The following SBF2 variants were observed in gnomAD, a reference collection of about 807,000 sequenced individuals.
SBF2 encodes myotubularin-related protein 13.
Under a neutral mutation model 225.2 loss-of-function variants are expected in SBF2, and 112 were observed. That is an observed-to-expected ratio of 0.50 (90% CI 0.43 to 0.58). The LOEUF is 0.58. Among genes scored for constraint, SBF2 ranks in the 20% least tolerant of loss-of-function variants. The pLI, the probability that SBF2 is intolerant of heterozygous loss-of-function variation, is 0.00. For missense variants in SBF2, 1,996 were observed against 2,206.2 expected (o/e 0.90, Z 1.91); for synonymous variants, 763 against 773.3 (o/e 0.99, Z 0.22).
At chr11:10,143,969 T>C (rs183288710) in intron 2 of SBF2, among the ~76,000 whole-genome samples, 11,573 of 152,178 alleles carry the variant, frequency 0.076, 624 homozygotes, top group East Asian at 0.28. Context: ...TCCGCCCGTC[T>C]CGGCCTCCCA....
At chr11:9,950,741 G>C (rs1865810070) in intron 16 of SBF2, among the ~76,000 whole-genome samples, 1 of 152,284 alleles carries the variant, frequency 6.6e-6, no homozygotes, top group South Asian at 2.1e-4. Flanking sequence ...GCTTGGCTCG[G>C]GTTGATGATT....
In SBF2 at chr11:9,785,302, G is replaced by A. The variant is rs148468522; in HGVS notation, c.5054C>T (p.Ser1685Leu). 27 of 1,613,964 alleles carry A rather than the reference G, an allele frequency of 1.7e-5. No individual in the cohort carries two copies. Among genetic ancestry groups the A allele is most frequent in the Non-Finnish European group, 2.1e-5 (25 of 1,179,942 alleles). The change falls in exon 37 of 40, where the codon TCG becomes TTG. Residue 1685 changes from serine to leucine, a missense_variant. Transcript: ENST00000256190. ...GGTAGACACAATTCCTGGGGATCTC[G>A]ACAGGTGTCTTTGGGACTGAAAAAG... ...PRTDRSQRHL[S>L]RSPGIVSTNL...
chr11:10,012,575 A>G (rs1291931200), intron 6 of SBF2, among the ~76,000 whole-genome samples: 1 of 152,168 alleles, frequency 6.6e-6, no homozygotes, highest in African/African-American at 2.4e-5. Flanking sequence ...TATGGCTACC[A>G]TTAATTCTTT....
At chr11:10,263,403 G>C (rs1054824920) in intron 1 of SBF2, among the ~76,000 whole-genome samples, 1 of 151,960 alleles carries the variant, frequency 6.6e-6, no homozygotes, top group Non-Finnish European at 1.5e-5. Context: ...TTTCTGTTTA[G>C]AGGGGTTGCC....
At chr11:9,900,517 T>C (rs1861639201) in intron 16 of SBF2, among the ~76,000 whole-genome samples, 1 of 152,144 alleles carries the variant, frequency 6.6e-6, no homozygotes, top group Non-Finnish European at 1.5e-5. Flanking sequence ...GGTCTAACCC[T>C]AGCCAATAGG....
At chr11:9,971,936 A>T (rs989947578) in intron 13 of SBF2, among the ~76,000 whole-genome samples, 2 of 152,240 alleles carry the variant, frequency 1.3e-5, no homozygotes, top group Non-Finnish European at 2.9e-5. Context: ...GATGAATGGA[A>T]TAGAATAGAG....
At position 10,031,112 on chromosome 11, in the gene SBF2, G is replaced by A. The variant is rs375094335; in HGVS notation, c.338C>T (p.Ala113Val). 4 of 1,613,440 alleles carry A rather than the reference G, an allele frequency of 2.5e-6. No homozygotes were observed. In the South Asian group the frequency reaches 3.3e-5, roughly 13 times the overall value. Residue 113 changes from alanine (A) to valine (V), a missense_variant, in exon 4 of 40, where the codon GCA (alanine) becomes GTA (valine). Coordinates refer to ENST00000256190, the MANE Select transcript of SBF2 (RefSeq NM_030962.4). ...CAGGCTTTTGGGAGCAAACACTTCT[G>A]CAGGCTGAATTAAACCAGACACTTT... The part of the protein sequence containing the change: ...EAKVSGLIQP[A>V]EVFAPKSLVL...
rs549234709 is a variant in SBF2 at position 10,192,289 on chromosome 11, C to A, written c.141+1613G>T. ...TTTTAATGCCAAAATTCAAGATTTA[C>A]CCCCTCTGTAGGCCTACAGAACCCT... On this transcript the variant is annotated intron_variant, in intron 2 of 39. Transcript: ENST00000256190. Among the ~76,000 whole-genome samples, 225 of 152,230 alleles carry A rather than the reference C, an allele frequency of 1.5e-3. 1 individual carries two copies. The highest frequency in any genetic ancestry group is 2.4e-3 in the Admixed American group (37 of 15,294).
At chr11:10,137,829 A>C (rs1954455259) in intron 2 of SBF2, among the ~76,000 whole-genome samples, 1 of 152,050 alleles carries the variant, frequency 6.6e-6, no homozygotes, top group African/African-American at 2.4e-5. Flanking sequence ...CAACATGGTG[A>C]AACCCCGTCT....
At chr11:10,185,872 C>T (rs1442655407) in intron 2 of SBF2, among the ~76,000 whole-genome samples, 1 of 152,050 alleles carries the variant, frequency 6.6e-6, no homozygotes, top group African/African-American at 2.4e-5. Flanking sequence ...CATACATACA[C>T]ATATATATAA....
intron 3 of SBF2, among the ~76,000 whole-genome samples, chr11:10,034,553 C>T (rs1394125777): frequency 6.6e-6 from 1 of 152,172 alleles, no homozygotes; most frequent in Non-Finnish European, 1.5e-5. Flanking sequence ...AGTCCTGACC[C>T]TTTTATCCTT....
chr11:10,294,229 C>T (rs2133632911), upstream of SBF2: 1 of 502,108 alleles, frequency 2.0e-6, no homozygotes, highest in Non-Finnish European at 3.1e-6. Flanking sequence ...TGCGCTTGCG[C>T]GGCGCCTAGT....
intron 3 of SBF2, 22 bp from the exon 4 acceptor site, chr11:10,031,192 T>C: frequency 1.2e-6 from 2 of 1,612,208 alleles, no homozygotes; most frequent in Non-Finnish European, 1.7e-6. Context: ...GACACTGAAA[T>C]CAACAAACAG....
chr11:10,261,302 A>C (rs1012762104), intron 1 of SBF2, among the ~76,000 whole-genome samples: 2 of 152,176 alleles, frequency 1.3e-5, no homozygotes, highest in East Asian at 3.9e-4. Context: ...TCCTGGGCTC[A>C]AGCAATCCTC....
intron 2 of SBF2, among the ~76,000 whole-genome samples, chr11:10,098,473 A>AC (rs143976519): frequency 2.7e-5 from 4 of 149,162 alleles, no homozygotes; most frequent in African/African-American, 4.9e-5. Context: ...TTCAAGGAAA[A>AC]TTAAAAAAAA....
At chr11:9,811,566 G>A (rs1854186931) in intron 30 of SBF2, among the ~76,000 whole-genome samples, 1 of 152,164 alleles carries the variant, frequency 6.6e-6, no homozygotes, top group Non-Finnish European at 1.5e-5. Context: ...GTATCGACCA[G>A]TTCCTTCCAC....
chr11:10,253,051 C>T (rs988096547), intron 1 of SBF2, among the ~76,000 whole-genome samples: 24 of 136,194 alleles, frequency 1.8e-4, no homozygotes, highest in African/African-American at 6.3e-4. Flanking sequence ...TTTAATTCAG[C>T]TTAAGTTTTA....
At chr11:10,117,945 G>T (rs1038125517) in intron 2 of SBF2, among the ~76,000 whole-genome samples, 1 of 152,146 alleles carries the variant, frequency 6.6e-6, no homozygotes, top group African/African-American at 2.4e-5. Flanking sequence ...TAAATGAAAA[G>T]AATCTTGGCA....
intron 1 of SBF2, among the ~76,000 whole-genome samples, chr11:10,292,326 G>T (rs931186729): frequency 9.9e-5 from 15 of 152,158 alleles, no homozygotes; most frequent in African/African-American, 3.6e-4. Flanking sequence ...CTCTCAAATT[G>T]TTGGGGGGCG....
Sources: gnomAD v4.1 joint callset for allele counts (sites outside exome capture counted in the v4.1 genomes callset) on GRCh38, gnomAD v4.1.1 for gene constraint, MANE v1.5 for transcripts, NCBI Gene and HGNC (gene_info 2026-07-23, HGNC 2026-07-21) for gene names.